Variants in KIF1C observed in about 807,000 individuals in gnomAD.
KIF1C encodes the protein kinesin family member 1C, also known as kinesin-like protein KIF1C.
A neutral mutation model predicts 126.5 loss-of-function variants in KIF1C; 61 were observed. That is an observed-to-expected ratio of 0.48 (90% CI 0.39 to 0.60). The LOEUF (loss-of-function observed/expected upper bound fraction) is 0.60, where lower values mean the gene tolerates loss of function less well. KIF1C is among the 20% of genes least tolerant of loss of function. The pLI, the probability that KIF1C is intolerant of heterozygous loss-of-function variation, is 0.00. For synonymous variants in KIF1C, 640 were observed against 580.6 expected (o/e 1.10, Z -1.47); for missense variants, 1,315 against 1,489.2 (o/e 0.88, Z 1.93).
chr17:5,020,980 T>C lies in KIF1C; in HGVS notation c.2010+102T>C. The C allele has an allele frequency of 1.9e-6, 2 of 1,028,952 alleles. No individual in the cohort carries two copies. The highest frequency in any genetic ancestry group is 1.4e-5 in the South Asian group (1 of 72,030). The allele number at this position is 1,028,952 out of a possible 1,614,324, so 63.7% of individuals were successfully genotyped here. ...GCTGAGCCAGAGTGGGAAATGGGCATGGGGGTAAGGGGAAGGGTCCAAGAG... is the reference window on the plus strand; with the variant it reads ...GCTGAGCCAGAGTGGGAAATGGGCACGGGGGTAAGGGGAAGGGTCCAAGAG... On this transcript the variant is annotated intron_variant, in intron 21 of 22. Coordinates refer to ENST00000320785, the MANE Select transcript of KIF1C (RefSeq NM_006612.6). This position sits in a 1 kb window ranked among gnomAD's most constrained non-coding sequence, Gnocchi z 5.8.
intron 14 of KIF1C, 23 bp from the exon 15 acceptor site, chr17:5,007,240 A>T: frequency 6.3e-7 from 1 of 1,598,568 alleles, no homozygotes; most frequent in Non-Finnish European, 8.5e-7. Context: ...CCATCCTGAA[A>T]CCTACCCACC....
chr17:5,000,377 T>C, intron 3 of KIF1C, 25 bp downstream of exon 3: 1 of 1,493,604 alleles, frequency 6.7e-7, no homozygotes, highest in Non-Finnish European at 9.1e-7. Context: ...GGGGCCTGGC[T>C]GGGCACAGGC....
rs1974423784 is a variant in KIF1C at position 4,997,984 on chromosome 17, C to T, written c.-321C>T. ...TGCCCGGGCGGGCGCCGGCCGCTGGCGCCGCTACTGCTGCCGCCCCCGGGG... is the reference window on the plus strand; with the variant it reads ...TGCCCGGGCGGGCGCCGGCCGCTGGTGCCGCTACTGCTGCCGCCCCCGGGG... On this transcript the variant is annotated 5_prime_UTR_variant, in exon 1 of 23. Coordinates refer to ENST00000320785, the MANE Select transcript of KIF1C (RefSeq NM_006612.6). The T allele has an allele frequency of 6.8e-6, 1 of 146,304 alleles. No individual in the cohort carries two copies. The highest frequency in any genetic ancestry group is 2.1e-4 in the South Asian group (1 of 4,732). 9.1% of individuals were successfully genotyped at this position (146,304 alleles called of 1,614,324 possible). A position where few individuals can be genotyped will look rare whatever the true frequency, so the allele number is the denominator to read the frequency against.
At chr17:5,000,638 GTTA>G in intron 3 of KIF1C, 131 bp from the exon 4 acceptor site, 1 of 862,608 alleles carries the variant, frequency 1.2e-6, no homozygotes. Flanking sequence ...GGTGGGGAAT[GTTA>G]AAGGGGAGAG....
At chr17:5,009,801 G>GA (rs1300888697) in intron 16 of KIF1C, among the ~76,000 whole-genome samples, 1 of 147,548 alleles carries the variant, frequency 6.8e-6, no homozygotes, top group Non-Finnish European at 1.5e-5. Flanking sequence ...AAAAAAAAAA[G>GA]AAAAAATGTT....
chr17:5,001,084 G>A, intron 4 of KIF1C, 138 bp from the exon 5 acceptor site: 1 of 988,082 alleles, frequency 1.0e-6, no homozygotes, highest in Non-Finnish European at 1.6e-6. Flanking sequence ...GGGGTGGTAA[G>A]GACAATGATG....
chr17:5,013,091 A>C (rs1324400513), intron 16 of KIF1C, among the ~76,000 whole-genome samples: 1 of 152,156 alleles, frequency 6.6e-6, no homozygotes, highest in African/African-American at 2.4e-5. Flanking sequence ...ATTTGCTTTT[A>C]AGTTGAAGTG....
intron 18 of KIF1C, among the ~76,000 whole-genome samples, chr17:5,017,529 C>T (rs1974999424): frequency 6.6e-6 from 1 of 152,104 alleles, no homozygotes. Flanking sequence ...TGGTCTCAAT[C>T]TCCTGACCTC....
In KIF1C at chr17:5,020,499, G is replaced by T. The variant is rs1204560902; in HGVS notation, c.1758G>T (p.Arg586Ser). The change falls in exon 20 of 23, where the codon AGG becomes AGT. Residue 586 changes from arginine to serine, a missense_variant. Around this residue, in one of 2 missense-constraint regions of KIF1C, gnomAD observed 874 missense variants for 1,053.2 expected, o/e 0.83. Transcript: ENST00000320785. The surrounding 1 kb of genome is among the most constrained non-coding windows in gnomAD (Gnocchi z 5.8). ...TEPLVLKSGNRIVMGKNHVFR... is the reference protein window; with the variant it reads ...TEPLVLKSGNSIVMGKNHVFR... Reference sequence around the variant, plus strand: ...CCCTCCTCCCATCTCTAGGGAATAGGATTGTGATGGGCAAGAACCACGTTT... The same window carrying T: ...CCCTCCTCCCATCTCTAGGGAATAGTATTGTGATGGGCAAGAACCACGTTT... The T allele has an allele frequency of 6.2e-7, 1 of 1,612,936 alleles. No individual in the cohort carries two copies. The highest frequency in any genetic ancestry group is 8.5e-7 in the Non-Finnish European group (1 of 1,179,398).
In KIF1C at chr17:5,002,121, G is replaced by A. The variant is rs866819385; in HGVS notation, c.426G>A (p.Val142=). The A allele has an allele frequency of 6.2e-7, 1 of 1,614,034 alleles. No individual in the cohort carries two copies. The stretch of plus-strand genomic sequence containing the variant: ...AGAGTGCTCAGCTATCCTACTCTGT[G>A]GAGGTAAGCCCGGGTCTTGGTGGCA... ...ENQSAQLSYS[V]EVSYMEIYCE... The change falls in exon 6 of 23, where the codon GTG becomes GTA. Residue 142 remains valine (V), a synonymous_variant. Transcript: ENST00000320785.
rs376879540 is a variant in KIF1C at position 5,003,577 on chromosome 17, G to A, written c.721-35G>A. 109 of 1,514,082 alleles carry A rather than the reference G, an allele frequency of 7.2e-5. No individual in the cohort carries two copies. The Middle Eastern group carries it at 8.7e-4, about 12-fold the overall frequency. 93.8% of individuals were successfully genotyped at this position (1,514,082 alleles called of 1,614,324 possible). Reference sequence around the variant, plus strand: ...GATTTCCCTGCCCCGTCCCCCACCCGCACCTTATCTCCTGCCTGTTTCCTC... The same window carrying A: ...GATTTCCCTGCCCCGTCCCCCACCCACACCTTATCTCCTGCCTGTTTCCTC... On this transcript the variant is annotated intron_variant, in intron 8 of 22. Transcript: ENST00000320785.
At chr17:5,017,029 A>T (rs1284674794) in intron 18 of KIF1C, among the ~76,000 whole-genome samples, 1 of 152,134 alleles carries the variant, frequency 6.6e-6, no homozygotes, top group East Asian at 1.9e-4. Context: ...TTTTGGGTTG[A>T]AAGCTGTTGA....
intron 21 of KIF1C, among the ~76,000 whole-genome samples, 186 bp downstream of exon 21, chr17:5,021,064 G>T (rs1273714710): frequency 6.6e-6 from 1 of 151,624 alleles, no homozygotes; most frequent in Non-Finnish European, 1.5e-5. Context: ...AAGGAAGGAA[G>T]ATTCCTCCAG....
At chr17:5,016,885 G>A (rs1218287255) in intron 18 of KIF1C, among the ~76,000 whole-genome samples, 4 of 148,114 alleles carry the variant, frequency 2.7e-5, no homozygotes, top group Non-Finnish European at 5.9e-5. Flanking sequence ...CAGCCTGGGT[G>A]ACAGAGTGAG....
At chr17:5,013,237 G>T (rs1411820150) in intron 16 of KIF1C, among the ~76,000 whole-genome samples, 1 of 152,174 alleles carries the variant, frequency 6.6e-6, no homozygotes, top group Non-Finnish European at 1.5e-5. Flanking sequence ...TTTGAGGAAA[G>T]AAATGATGGG....
intron 11 of KIF1C, 124 bp downstream of exon 11, chr17:5,004,197 C>G: frequency 1.3e-6 from 1 of 787,652 alleles, no homozygotes; most frequent in South Asian, 1.4e-5. Flanking sequence ...CTCCCCCTGA[C>G]CCTTCAAAGG....
intron 1 of KIF1C, among the ~76,000 whole-genome samples, chr17:4,998,575 C>G (rs930565809): frequency 1.3e-5 from 2 of 152,242 alleles, no homozygotes; most frequent in African/African-American, 4.8e-5. Flanking sequence ...GTCCCATTAG[C>G]TGCAGCAACG....
In KIF1C at chr17:5,002,851, GCC is replaced by G. The variant is rs10533622; in HGVS notation, c.720+19_720+20del. On this transcript the variant is annotated intron_variant, in intron 8 of 22. Transcript: ENST00000320785. ...GGCTGGACTCGGAGAAGGTGGGATCGCCCCCCCCCCCACTCCCCCACCGGATG... is the reference window on the plus strand; with the variant it reads ...GGCTGGACTCGGAGAAGGTGGGATCGCCCCCCCCCACTCCCCCACCGGATG... 0.3 allele frequency: 431,043 copies of G among 1,420,046 alleles called. 64,151 individuals are homozygous for G. Among genetic ancestry groups the G allele is most frequent in the African/African-American group, 0.6 (40,693 of 67,388 alleles). The allele number at this position is 1,420,046 out of a possible 1,614,324, so 88.0% of individuals were successfully genotyped here. A position where few individuals can be genotyped will look rare whatever the true frequency, so the allele number is the denominator to read the frequency against.
intron 6 of KIF1C, 135 bp downstream of exon 6, chr17:5,002,259 T>C: frequency 2.0e-6 from 2 of 987,516 alleles, no homozygotes; most frequent in South Asian, 1.4e-5. Context: ...ATTCTGTCCT[T>C]CAGCTTCGTA....
Sources: gnomAD v4.1 joint callset for allele counts (sites outside exome capture counted in the v4.1 genomes callset) on GRCh38, gnomAD v4.1.1 for gene constraint, gnomAD v4.1.1 regional missense constraint, Gnocchi (gnomAD v3.1) non-coding constraint, MANE v1.5 for transcripts, NCBI Gene and HGNC (gene_info 2026-07-23, HGNC 2026-07-21) for gene names.